The following CALN1 variants were observed in gnomAD, a reference collection of about 807,000 sequenced individuals.
The protein encoded by CALN1 is calcium-binding protein 8.
Under a neutral mutation model 30.6 loss-of-function variants are expected in CALN1, and 17 were observed. That is an observed-to-expected ratio of 0.56 (90% CI 0.38 to 0.83). The LOEUF (loss-of-function observed/expected upper bound fraction) is 0.83, where lower values mean the gene tolerates loss of function less well. Ranked by LOEUF, CALN1 falls within the 40% of genes least tolerant of loss-of-function variation. CALN1 has a pLI of 0.00. For missense variants in CALN1, 291 were observed against 354.9 expected, an observed-to-expected ratio of 0.82 and a Z score of 1.45; for synonymous variants, 156 against 131.4, an observed-to-expected ratio of 1.19 and a Z score of -1.28.
intron 5 of CALN1, among the ~76,000 whole-genome samples, chr7:71,828,876 G>A (rs1453970286): frequency 1.3e-5 from 2 of 151,746 alleles, no homozygotes; most frequent in Non-Finnish European, 2.9e-5. Flanking sequence ...AGCCTCCCAA[G>A]TAGCTGGGAT....
intron 3 of CALN1, among the ~76,000 whole-genome samples, chr7:72,192,964 G>A (rs966646713): frequency 1.3e-5 from 2 of 151,966 alleles, no homozygotes; most frequent in African/African-American, 4.8e-5. Context: ...GAAACAGGCG[G>A]ATCACTTGAG....
intron 5 of CALN1, among the ~76,000 whole-genome samples, chr7:71,836,033 T>A (rs185542765): frequency 6.6e-6 from 1 of 152,214 alleles, no homozygotes; most frequent in Non-Finnish European, 1.5e-5. Context: ...CAATCGGTCA[T>A]GACCTCTTGC....
At chr7:71,935,394 T>A (rs966162686) in intron 5 of CALN1, among the ~76,000 whole-genome samples, 1 of 152,194 alleles carries the variant, frequency 6.6e-6, no homozygotes. Context: ...GGAATGAGAC[T>A]GTCTGCAGAG....
chr7:72,194,833 A>G (rs1790878722), intron 3 of CALN1, among the ~76,000 whole-genome samples: 1 of 151,616 alleles, frequency 6.6e-6, no homozygotes, highest in Non-Finnish European at 1.5e-5. Flanking sequence ...CTCATGATCC[A>G]TCTGTCTCGG....
intron 3 of CALN1, among the ~76,000 whole-genome samples, chr7:72,228,931 T>A (rs941586635): frequency 1.3e-5 from 2 of 150,862 alleles, no homozygotes; most frequent in Non-Finnish European, 3.0e-5. Flanking sequence ...CTGGCAATTT[T>A]TTTTTTTTTT....
intron 3 of CALN1, among the ~76,000 whole-genome samples, chr7:72,241,978 T>C (rs113300524): frequency 1.3e-5 from 2 of 152,324 alleles, no homozygotes; most frequent in African/African-American, 4.8e-5. Flanking sequence ...TCAGGACTTT[T>C]TCATTATCCC....
chr7:71,970,169 G>T (rs1797724983), intron 5 of CALN1, among the ~76,000 whole-genome samples: 1 of 151,996 alleles, frequency 6.6e-6, no homozygotes, highest in South Asian at 2.1e-4. Context: ...TTCCTAATGG[G>T]GCACAGAACA....
chr7:72,023,557 G>A lies in CALN1; in HGVS notation c.501+100C>T, dbSNP rs1466969649. On this transcript the variant is annotated intron_variant, in intron 5 of 6. Transcript: ENST00000395275. ...AACATATGTCGCTCAGCCCAGAAGAGATCTTCACGTGCCAAATAGAAGTTC... is the reference window on the plus strand; with the variant it reads ...AACATATGTCGCTCAGCCCAGAAGAAATCTTCACGTGCCAAATAGAAGTTC... 4 of 813,448 alleles carry A rather than the reference G, an allele frequency of 4.9e-6. No homozygotes were observed. In the Admixed American group the frequency reaches 8.9e-5, roughly 18 times the overall value. 50.4% of individuals were successfully genotyped at this position (813,448 alleles called of 1,614,324 possible).
Position 71,927,866 on chromosome 7 carries a change from C to T in CALN1, c.501+95791G>A, listed in dbSNP as rs144469486. On this transcript the variant is annotated intron_variant, in intron 5 of 6. Transcript: ENST00000395275. Reference sequence around the variant, plus strand: ...TTGAATCTTTGGTGGCCCTTGTGAACGGGAGAGTTTCTTGCTCTTCCCCCA... The same window carrying T: ...TTGAATCTTTGGTGGCCCTTGTGAATGGGAGAGTTTCTTGCTCTTCCCCCA... 4.4e-3 allele frequency among the ~76,000 whole-genome samples: 666 copies of T among 152,248 alleles called. 4 individuals carry two copies. The highest frequency in any genetic ancestry group is 0.015 in the African/African-American group (617 of 41,576).
intron 3 of CALN1, among the ~76,000 whole-genome samples, chr7:72,134,420 A>T (rs190954638): frequency 6.7e-4 from 102 of 152,340 alleles, no homozygotes; most frequent in Non-Finnish European, 1.0e-3. Flanking sequence ...GATGGATGCT[A>T]AATTCAGACA....
At position 72,160,643 on chromosome 7, in the gene CALN1, A is replaced by G. The variant is rs749759211; in HGVS notation, c.245-54349T>C. 2.0e-5 allele frequency among the ~76,000 whole-genome samples: 3 copies of G among 152,194 alleles called. No homozygotes were observed. The South Asian group carries it at 6.2e-4, about 32-fold the overall frequency. On this transcript the variant is annotated intron_variant, in intron 3 of 6. Coordinates refer to ENST00000395275, the MANE Select transcript of CALN1 (RefSeq NM_031468.4). ...AACACTTAGTATTTGCACAACATGG[A>G]TATTTGTGGATCCATTGCAACCCTG...
the CALN1 span, among the ~76,000 whole-genome samples, chr7:72,459,222 A>AG: frequency 6.6e-6 from 1 of 152,224 alleles, no homozygotes; most frequent in South Asian, 2.1e-4. Flanking sequence ...CTATATTAAC[A>AG]TGCGAAGTGA....
At chr7:72,228,440 G>A (rs973375960) in intron 3 of CALN1, among the ~76,000 whole-genome samples, 1 of 151,798 alleles carries the variant, frequency 6.6e-6, no homozygotes, top group Non-Finnish European at 1.5e-5. Flanking sequence ...AGTGATGTGT[G>A]CACAGCTCCG....
At chr7:72,292,211 T>C (rs1338322432) in intron 2 of CALN1, among the ~76,000 whole-genome samples, 2 of 151,806 alleles carry the variant, frequency 1.3e-5, no homozygotes, top group Admixed American at 6.6e-5. Context: ...CAAACATTTA[T>C]TTCTCATGGT....
chr7:72,379,980 A>G (rs759668752), intron 2 of CALN1, among the ~76,000 whole-genome samples: 11 of 152,250 alleles, frequency 7.2e-5, no homozygotes, highest in Admixed American at 2.0e-4. Context: ...TTACCATGCA[A>G]GAAACCAAGT....
intron 3 of CALN1, among the ~76,000 whole-genome samples, chr7:72,138,562 T>C (rs1386005348): frequency 6.6e-6 from 1 of 151,936 alleles, no homozygotes; most frequent in Non-Finnish European, 1.5e-5. Flanking sequence ...AGACGGGGAC[T>C]GCCCTTAGCT....
intron 2 of CALN1, among the ~76,000 whole-genome samples, chr7:72,350,655 T>C (rs1430760335): frequency 1.3e-5 from 2 of 152,000 alleles, no homozygotes; most frequent in African/African-American, 4.8e-5. Flanking sequence ...AAGTTGAGGA[T>C]CAGAAAACTA....
chr7:72,328,548 C>CT (rs1801443386), intron 2 of CALN1, among the ~76,000 whole-genome samples: 1 of 152,188 alleles, frequency 6.6e-6, no homozygotes, highest in Non-Finnish European at 1.5e-5. Flanking sequence ...TGAGAACAGA[C>CT]TAATACGATG....
chr7:71,978,022 A>ACATC (rs757180770), intron 5 of CALN1, among the ~76,000 whole-genome samples: 3 of 151,440 alleles, frequency 2.0e-5, no homozygotes, highest in Non-Finnish European at 4.4e-5. Flanking sequence ...AGACTAACAC[A>ACATC]CATCTTAGCA....
Sources: allele counts gnomAD v4.1 joint callset (sites outside exome capture counted in the v4.1 genomes callset), GRCh38; gene constraint gnomAD v4.1.1; transcripts MANE v1.5; gene names NCBI Gene and HGNC (gene_info 2026-07-23, HGNC 2026-07-21).